The following ZNF568 variants were observed in gnomAD, a reference collection of about 807,000 sequenced individuals.
ZNF568 encodes the protein p53 inhibitor of SCO2 activation.
Under a neutral mutation model 18.1 loss-of-function variants are expected in ZNF568, and 11 were observed. The ratio of observed to expected loss-of-function variants is 0.61; its 90% confidence interval spans 0.38 to 1.00. ZNF568 has a LOEUF of 1.00. Among genes scored for constraint, ZNF568 ranks in the 50% least tolerant of loss-of-function variants. The pLI is 0.01. For synonymous variants in ZNF568, 213 were observed against 246.6 expected, an observed-to-expected ratio of 0.86 and a Z score of 1.28; for missense variants, 639 against 768.2, an observed-to-expected ratio of 0.83 and a Z score of 1.99.
rs1162348911 is a variant in ZNF568, at chr19:36,952,394, C to G, written c.*1306C>G. On this transcript the variant is annotated 3_prime_UTR_variant, in exon 7 of 7. Transcript: ENST00000333987. ...TCAAATGATAGAATAGTATACAGCA[C>G]TTAAAAGCAGTGAACCAGATCCATA... 1 of 152,058 alleles carries G rather than the reference C, an allele frequency of 6.6e-6. No individual in the cohort carries two copies. The highest frequency in any genetic ancestry group is 2.1e-4 in the South Asian group (1 of 4,816). 9.4% of individuals were successfully genotyped at this position (152,058 alleles called of 1,614,324 possible).
intron 3 of ZNF568, among the ~76,000 whole-genome samples, chr19:36,923,439 A>G (rs1030053635): frequency 1.3e-5 from 2 of 152,006 alleles, no homozygotes; most frequent in African/African-American, 4.8e-5. Flanking sequence ...TTTCCCCAGC[A>G]AGAAGTCCTA....
chr19:36,926,732 T>C (rs747388158), intron 4 of ZNF568, among the ~76,000 whole-genome samples: 1 of 152,260 alleles, frequency 6.6e-6, no homozygotes, highest in Admixed American at 6.5e-5. Context: ...GAGTTCTTAC[T>C]ATGTGCCAGA....
chr19:36,925,237 A>C lies in ZNF568; in HGVS notation c.114A>C (p.Glu38Asp), dbSNP rs776748605. Residue 38 changes from glutamate (E) to aspartate (D), a missense_variant, in exon 4 of 7, where the codon GAA becomes GAC. Coordinates refer to ENST00000333987, the MANE Select transcript of ZNF568 (RefSeq NM_198539.4). Reference sequence around the variant, plus strand: ...AAGAGTCTGCCCTTTCCGAGGAAGAAGAGGATACAACCAGGCCTCTTGTAC... The same window carrying C: ...AAGAGTCTGCCCTTTCCGAGGAAGACGAGGATACAACCAGGCCTCTTGTAC... ...CSQESALSEE[E>D]EDTTRPLETV... 6.2e-7 allele frequency: 1 copy of C among 1,614,122 alleles called. No homozygotes were observed. The highest frequency in any genetic ancestry group is 1.1e-5 in the South Asian group (1 of 91,074).
intron 6 of ZNF568, among the ~76,000 whole-genome samples, chr19:36,938,978 A>C (rs1259380309): frequency 6.6e-6 from 1 of 152,148 alleles, no homozygotes; most frequent in Non-Finnish European, 1.5e-5. Flanking sequence ...TCTTTCGATG[A>C]AGGTATTTCC....
rs1568381254 is a variant in ZNF568, at chr19:36,927,870, ATATATATATATATATAT to A, written c.135+2631_135+2647del. On this transcript the variant is annotated intron_variant, in intron 4 of 6. Coordinates refer to ENST00000333987, the MANE Select transcript of ZNF568 (RefSeq NM_198539.4). Reference sequence around the variant, plus strand: ...TGTGTGTGTGTGTGTGTATATATATATATATATATATATATATTATATATATATATATATTTTTTTTT... The same window carrying A: ...TGTGTGTGTGTGTGTGTATATATATATATATATATATATATATTTTTTTTT... Among the ~76,000 whole-genome samples the A allele has an allele frequency of 2.8e-4, 15 of 53,486 alleles. No homozygotes were observed. In the East Asian group the frequency reaches 3.0e-3, roughly 11 times the overall value. 35.1% of individuals were successfully genotyped at this position (53,486 alleles called of 152,430 possible).
chr19:36,930,573 GT>G (rs536284245), intron 4 of ZNF568, among the ~76,000 whole-genome samples: 163 of 152,218 alleles, frequency 1.1e-3, no homozygotes, highest in African/African-American at 3.7e-3. Flanking sequence ...AAATGTTTTT[GT>G]GCTGATTTGT....
chr19:36,991,137 C>G, intron 2 of ZNF568: 1 of 1,508,296 alleles, frequency 6.6e-7, no homozygotes, highest in Non-Finnish European at 8.8e-7. Context: ...AGATTTTGTC[C>G]ATGAATTTCA....
chr19:36,949,438 C>T (rs2074019783), intron 6 of ZNF568, 74 bp from the exon 7 acceptor site: 1 of 1,432,000 alleles, frequency 7.0e-7, no homozygotes, highest in Non-Finnish European at 9.3e-7. Flanking sequence ...CCACATTAGC[C>T]TATTTCTGAT....
rs138526239 is a variant in ZNF568 at position 36,949,903 on chromosome 19, C to T, written c.750C>T (p.Tyr250=). Residue 250 remains tyrosine (Y), a synonymous_variant, in exon 7 of 7, where the codon TAC becomes TAT. Coordinates refer to ENST00000333987, the MANE Select transcript of ZNF568 (RefSeq NM_198539.4). The stretch of plus-strand genomic sequence containing the variant: ...GAATTCATGCTGGAGAGAAACCTTA[C>T]GAATGTAAAGAATGTGGAAAAGCCT... The part of the protein sequence containing the change: ...HERIHAGEKP[Y]ECKECGKAFS... 11,296 of 1,613,450 alleles carry T rather than the reference C, an allele frequency of 7.0e-3. 77 individuals are homozygous for T. The highest frequency in any genetic ancestry group is 0.024 in the Middle Eastern group (144 of 6,056).
At position 36,952,687 on chromosome 19, in the gene ZNF568, G is replaced by A. The variant is rs975049252; in HGVS notation, c.*1599G>A. 3.4e-6 allele frequency: 2 copies of A among 587,172 alleles called. No individual in the cohort carries two copies. The highest frequency in any genetic ancestry group is 4.1e-5 in the African/African-American group (2 of 49,006). The allele number at this position is 587,172 out of a possible 1,614,324, so 36.4% of individuals were successfully genotyped here. ...GCTTGTAGTTTTTATACCTTAAAAA[G>A]ACTGGTAGCATATAAAATAAATCTT... is the stretch of plus-strand genomic sequence containing the variant. On this transcript the variant is annotated 3_prime_UTR_variant, in exon 7 of 7. Transcript: ENST00000333987.
At chr19:36,976,703 G>T (rs2074288313) in intron 7 of ZNF568, among the ~76,000 whole-genome samples, 1 of 152,140 alleles carries the variant, frequency 6.6e-6, no homozygotes, top group Non-Finnish European at 1.5e-5. Context: ...CTGAGGTCGA[G>T]AGTTCAAGAC....
At chr19:36,956,112 GCA>G (rs2074105282), downstream of ZNF568, among the ~76,000 whole-genome samples, 1 of 152,190 alleles carries the variant, frequency 6.6e-6, no homozygotes, top group African/African-American at 2.4e-5. Context: ...GTGATCGCAG[GCA>G]CAGTCCTGCC....
chr19:36,939,238 A>T (rs1026451656), intron 6 of ZNF568, among the ~76,000 whole-genome samples: 2 of 152,106 alleles, frequency 1.3e-5, no homozygotes, highest in African/African-American at 4.8e-5. Context: ...GGCTGTTTGC[A>T]TCTCTTTGTT....
chr19:36,935,083 G>A (rs1016724005), intron 4 of ZNF568, among the ~76,000 whole-genome samples: 1 of 152,006 alleles, frequency 6.6e-6, no homozygotes, highest in Non-Finnish European at 1.5e-5. Context: ...GTGTAGCTGG[G>A]CCTATTGAGG....
At chr19:36,984,407 TTAC>T (rs758617358), downstream of ZNF568, among the ~76,000 whole-genome samples, 4 of 152,188 alleles carry the variant, frequency 2.6e-5, no homozygotes, top group Non-Finnish European at 4.4e-5. Context: ...CTTTCTTAAC[TTAC>T]TAGTGTCTAA....
chr19:36,966,372 A>G (rs576603982), intron 6 of ZNF568, among the ~76,000 whole-genome samples: 22 of 152,232 alleles, frequency 1.4e-4, no homozygotes, highest in Admixed American at 7.8e-4. Flanking sequence ...TAGTCTCCCA[A>G]AGTATTGGGA....
At chr19:36,995,270 G>A (rs1667359) in intron 4 of ZNF568, among the ~76,000 whole-genome samples, 30,710 of 151,838 alleles carry the variant, frequency 0.2, 3,420 homozygotes, top group African/African-American at 0.29. Flanking sequence ...ATGGTGGCCC[G>A]TGCCTGTAGT....
chr19:36,989,041 T>TTA (rs1417782873), intron 2 of ZNF568, among the ~76,000 whole-genome samples: 1 of 152,230 alleles, frequency 6.6e-6, no homozygotes, highest in Non-Finnish European at 1.5e-5. Context: ...TGCTCTCTGC[T>TTA]TCTGAACGCC....
chr19:36,991,281 G>T (rs958593308), exon 3 of ZNF568: 1 of 1,534,934 alleles, frequency 6.5e-7, no homozygotes, highest in East Asian at 2.4e-5. Flanking sequence ...GGAAAATTAC[G>T]GCAACCTGGT....
Sources: gnomAD v4.1 joint callset for allele counts (sites outside exome capture counted in the v4.1 genomes callset) on GRCh38, gnomAD v4.1.1 for gene constraint, MANE v1.5 for transcripts, NCBI Gene and HGNC (gene_info 2026-07-23, HGNC 2026-07-21) for gene names.